The following ABCC1 variants were observed in gnomAD, a reference collection of about 807,000 sequenced individuals.
ABCC1 encodes ATP binding cassette subfamily C member 1 (ABCC1 blood group).
ABCC1 carries 83 observed loss-of-function variants against 172.9 expected under a neutral mutation model. That is an observed-to-expected ratio of 0.48 (90% CI 0.40 to 0.58). The LOEUF (loss-of-function observed/expected upper bound fraction) is 0.58. Ranked by LOEUF, ABCC1 falls within the 20% of genes least tolerant of loss-of-function variation. The pLI is 0.00. For missense variants in ABCC1, 1,817 were observed against 2,002.7 expected, an observed-to-expected ratio of 0.91 and a Z score of 1.77; for synonymous variants, 937 against 825.2, an observed-to-expected ratio of 1.14 and a Z score of -2.32.
chr16:16,082,771 CCAAG>C (rs1325392240), intron 16 of ABCC1, among the ~76,000 whole-genome samples: 2 of 152,126 alleles, frequency 1.3e-5, no homozygotes, highest in African/African-American at 4.8e-5. Flanking sequence ...CCTCAGCCTC[CCAAG>C]TAGCTGGGAC....
At chr16:16,137,340 T>G (rs912976274) in intron 29 of ABCC1, among the ~76,000 whole-genome samples, 3 of 152,018 alleles carry the variant, frequency 2.0e-5, no homozygotes, top group Non-Finnish European at 4.4e-5. Context: ...CGTGCATCCC[T>G]CATTCTCCAG....
intron 22 of ABCC1, among the ~76,000 whole-genome samples, chr16:16,112,525 T>C (rs1387668577): frequency 1.3e-5 from 2 of 152,228 alleles, no homozygotes; most frequent in Non-Finnish European, 2.9e-5. Context: ...TAACTTATTT[T>C]ATCCTTGCAG....
intron 16 of ABCC1, among the ~76,000 whole-genome samples, chr16:16,081,526 C>A (rs1292214490): frequency 6.6e-6 from 1 of 152,072 alleles, no homozygotes. Context: ...TATCTTTTCC[C>A]AAATGTTTTA....
At chr16:16,072,249 G>C (rs1225683699) in intron 14 of ABCC1, among the ~76,000 whole-genome samples, 1 of 151,538 alleles carries the variant, frequency 6.6e-6, no homozygotes, top group African/African-American at 2.4e-5. Flanking sequence ...TGCAGTCACA[G>C]CTGTCACTGC....
intron 1 of ABCC1, among the ~76,000 whole-genome samples, chr16:15,978,618 G>T (rs1005776925): frequency 3.9e-5 from 6 of 152,082 alleles, no homozygotes; most frequent in African/African-American, 1.2e-4. Flanking sequence ...GGTTGTTTCT[G>T]GTTCAAGTCC....
chr16:16,056,479 C>A, intron 12 of ABCC1, 184 bp downstream of exon 12: 1 of 640,394 alleles, frequency 1.6e-6, no homozygotes, highest in Non-Finnish European at 2.7e-6. Flanking sequence ...CCAGCCTGGC[C>A]AACATGGTGA....
At chr16:16,063,308 A>G (rs1019416722) in intron 12 of ABCC1, among the ~76,000 whole-genome samples, 1 of 152,086 alleles carries the variant, frequency 6.6e-6, no homozygotes, top group East Asian at 1.9e-4. Flanking sequence ...GGGTTTCACC[A>G]TGTTGGCCAG....
intron 1 of ABCC1, among the ~76,000 whole-genome samples, chr16:16,003,950 G>GT (rs200163556): frequency 0.017 from 2,521 of 150,530 alleles, 45 homozygotes; most frequent in Non-Finnish European, 0.024. Flanking sequence ...TGGTTGGGGG[G>GT]GGTGGATGGA....
In ABCC1 at chr16:16,048,061, T is replaced by G. The variant is rs902603716; in HGVS notation, c.1219-81T>G. 2.0e-6 allele frequency: 3 copies of G among 1,510,922 alleles called. No homozygotes were observed. The African/African-American group carries it at 4.1e-5, about 21-fold the overall frequency. The allele number at this position is 1,510,922 out of a possible 1,614,324, so 93.6% of individuals were successfully genotyped here. On this transcript the variant is annotated intron_variant, in intron 9 of 30. Transcript: ENST00000399410. ...GGCATTTCTGCCCCTGAGAGTCTCC[T>G]TCCTCTCCGTGGGTCTGGAGGGAGA...
intron 25 of ABCC1, 45 bp from the exon 26 acceptor site, chr16:16,125,765 A>G: frequency 7.3e-7 from 1 of 1,367,622 alleles, no homozygotes; most frequent in Non-Finnish European, 1.0e-6. Flanking sequence ...AAAGTCAAGT[A>G]CGCCCGCTTA....
intron 1 of ABCC1, among the ~76,000 whole-genome samples, chr16:15,997,907 G>A (rs2047114271): frequency 6.8e-6 from 1 of 147,388 alleles, no homozygotes; most frequent in Non-Finnish European, 1.5e-5. Context: ...TCCACCTCCT[G>A]GGTTTAAGCG....
Position 16,046,026 on chromosome 16 carries a change from G to A in ABCC1, c.1218+13G>A, listed in dbSNP as rs574019987. 6.2e-7 allele frequency: 1 copy of A among 1,613,340 alleles called. No homozygotes were observed. On this transcript the variant is annotated intron_variant, in intron 9 of 30. Coordinates refer to ENST00000399410, the MANE Select transcript of ABCC1 (RefSeq NM_004996.4). The stretch of plus-strand genomic sequence containing the variant: ...TGTCTATCGGAAGGTAGGGGACGCT[G>A]TGCCATTGGCATGTGGCCCGACTTC...
At chr16:16,035,063 ATT>A (rs1463027560) in intron 6 of ABCC1, among the ~76,000 whole-genome samples, 1 of 152,212 alleles carries the variant, frequency 6.6e-6, no homozygotes, top group Non-Finnish European at 1.5e-5. Flanking sequence ...TAAGTTTGAA[ATT>A]ATTTTAGAAC....
At chr16:16,072,425 T>A (rs1200886069) in intron 14 of ABCC1, among the ~76,000 whole-genome samples, 3 of 151,468 alleles carry the variant, frequency 2.0e-5, no homozygotes, top group Non-Finnish European at 2.9e-5. Context: ...GCTCAAGCAA[T>A]CCACCTGCCT....
chr16:16,041,557 C>A (rs968249202), intron 7 of ABCC1, among the ~76,000 whole-genome samples: 1 of 152,124 alleles, frequency 6.6e-6, no homozygotes, highest in Non-Finnish European at 1.5e-5. Flanking sequence ...AGATCTGGCA[C>A]CTGTAACCCC....
chr16:15,997,823 T>C (rs2047108997), intron 1 of ABCC1, among the ~76,000 whole-genome samples: 3 of 141,274 alleles, frequency 2.1e-5, no homozygotes, highest in Admixed American at 2.1e-4. Flanking sequence ...TTTTTTTTTT[T>C]TTTTCCCTGA....
rs770325253 is a variant in ABCC1, at chr16:16,136,514, C to T, written c.4162C>T (p.Leu1388=). 14 of 1,614,180 alleles carry T rather than the reference C, an allele frequency of 8.7e-6. No homozygotes were observed. The African/African-American group carries it at 1.2e-4, about 14-fold the overall frequency. Residue 1388 remains leucine, a synonymous_variant, in exon 29 of 31, where the codon CTG becomes TTG. Transcript: ENST00000399410. ...GTTTTCGGGTTCCCTCCGAATGAAC[C>T]TGGACCCATTCAGCCAGTACTCGGA... ...VLFSGSLRMN[L]DPFSQYSDEE...
At chr16:16,141,028 A>C (rs1025520620) in intron 30 of ABCC1, 145 bp from the exon 31 acceptor site, 3 of 664,126 alleles carry the variant, frequency 4.5e-6, no homozygotes, top group Non-Finnish European at 8.0e-6. Flanking sequence ...GAGGGTGAGC[A>C]ACCAGCTGGA....
chr16:16,118,946 C>T (rs1241095149), intron 23 of ABCC1, among the ~76,000 whole-genome samples: 1 of 145,722 alleles, frequency 6.9e-6, no homozygotes, highest in African/African-American at 2.5e-5. Flanking sequence ...CATCTTGATT[C>T]ATAATCGCCC....
Sources: allele counts gnomAD v4.1 joint callset (sites outside exome capture counted in the v4.1 genomes callset), GRCh38; gene constraint gnomAD v4.1.1; transcripts MANE v1.5; gene names NCBI Gene and HGNC (gene_info 2026-07-23, HGNC 2026-07-21).